Variants in PLCL1 observed in about 807,000 individuals in gnomAD.
The protein encoded by PLCL1 is phospholipase C like 1 (inactive).
Under a neutral mutation model 84.4 loss-of-function variants are expected in PLCL1, and 41 were observed. The observed-to-expected ratio is 0.49, with a 90% CI of 0.38 to 0.63. The LOEUF (loss-of-function observed/expected upper bound fraction) is 0.63. PLCL1 is among the 30% of genes least tolerant of loss of function. The pLI is 0.00. For synonymous variants in PLCL1, 490 were observed against 488.3 expected (o/e 1.00, Z -0.05); for missense variants, 1,206 against 1,367.8 (o/e 0.88, Z 1.87).
At chr2:197,954,409 G>T (rs554093752) in intron 1 of PLCL1, among the ~76,000 whole-genome samples, 155 of 152,160 alleles carry the variant, frequency 1.0e-3, no homozygotes, top group African/African-American at 3.7e-3. Context: ...AGACAGGAAG[G>T]CCTGCAGAGA....
At chr2:198,003,573 AACT>A (rs1690657221) in intron 1 of PLCL1, among the ~76,000 whole-genome samples, 1 of 152,214 alleles carries the variant, frequency 6.6e-6, no homozygotes, top group Non-Finnish European at 1.5e-5. Flanking sequence ...AAGACAGAAG[AACT>A]ATGTATTTCA....
intron 1 of PLCL1, among the ~76,000 whole-genome samples, chr2:197,872,506 AG>A (rs1246276888): frequency 1.3e-5 from 2 of 152,158 alleles, no homozygotes; most frequent in Non-Finnish European, 2.9e-5. Flanking sequence ...CTAATGGTTA[AG>A]GGCTGTGCCA....
chr2:197,906,724 G>A (rs908982408), intron 1 of PLCL1, among the ~76,000 whole-genome samples: 28 of 151,868 alleles, frequency 1.8e-4, no homozygotes, highest in African/African-American at 6.0e-4. Context: ...TGTTTGTGTC[G>A]TCTCTTATTT....
intron 5 of PLCL1, among the ~76,000 whole-genome samples, chr2:198,128,654 A>C (rs1434848946): frequency 6.6e-6 from 1 of 152,116 alleles, no homozygotes; most frequent in Non-Finnish European, 1.5e-5. Context: ...CAGTTTAGGG[A>C]GGGTCAGAAT....
At chr2:197,866,883 ACTAC>A (rs1480775702) in intron 1 of PLCL1, among the ~76,000 whole-genome samples, 1 of 152,218 alleles carries the variant, frequency 6.6e-6, no homozygotes, top group African/African-American at 2.4e-5. Flanking sequence ...ACTTCTATGC[ACTAC>A]CTGGATTAAC....
chr2:198,097,166 A>G (rs1243431282), intron 3 of PLCL1, among the ~76,000 whole-genome samples: 1 of 152,204 alleles, frequency 6.6e-6, no homozygotes, highest in African/African-American at 2.4e-5. Context: ...GTGCCCAAAC[A>G]GAGCTCGGTG....
intron 1 of PLCL1, among the ~76,000 whole-genome samples, chr2:198,030,741 G>A (rs1691390842): frequency 6.6e-6 from 1 of 152,116 alleles, no homozygotes; most frequent in South Asian, 2.1e-4. Flanking sequence ...AGAGCTTAGT[G>A]GAGCAATCTC....
intron 5 of PLCL1, among the ~76,000 whole-genome samples, chr2:198,118,862 A>G (rs1250987420): frequency 6.6e-6 from 1 of 152,004 alleles, no homozygotes; most frequent in East Asian, 1.9e-4. Context: ...TGAAGTTTTG[A>G]GTGCCTTTAA....
At chr2:197,832,830 A>T (rs144371482) in intron 1 of PLCL1, among the ~76,000 whole-genome samples, 54 of 152,394 alleles carry the variant, frequency 3.5e-4, no homozygotes, top group African/African-American at 1.2e-3. Context: ...CATCCTTGGG[A>T]TGCAAGGCTG....
At chr2:198,102,629 T>C (rs540665495) in intron 4 of PLCL1, among the ~76,000 whole-genome samples, 3 of 152,252 alleles carry the variant, frequency 2.0e-5, no homozygotes, top group African/African-American at 7.2e-5. Flanking sequence ...TGCAGTGGCC[T>C]TGCCTGGATG....
At chr2:197,865,030 A>C (rs184714175) in intron 1 of PLCL1, among the ~76,000 whole-genome samples, 146 of 152,322 alleles carry the variant, frequency 9.6e-4, no homozygotes, top group Non-Finnish European at 1.7e-3. Context: ...AATTCTGTGT[A>C]GTGACTTGTA....
intron 1 of PLCL1, among the ~76,000 whole-genome samples, chr2:198,029,360 A>G (rs757171571): frequency 3.9e-5 from 6 of 152,192 alleles, no homozygotes; most frequent in Non-Finnish European, 5.9e-5. Context: ...GCACAAACAT[A>G]CATTTTCTAC....
chr2:197,931,195 T>C (rs1688924299), intron 1 of PLCL1, among the ~76,000 whole-genome samples: 1 of 152,182 alleles, frequency 6.6e-6, no homozygotes, highest in African/African-American at 2.4e-5. Context: ...AGAAGCAGTA[T>C]CTATTGCTAG....
intron 1 of PLCL1, among the ~76,000 whole-genome samples, chr2:197,894,931 T>A (rs1424055788): frequency 6.6e-6 from 1 of 151,950 alleles, no homozygotes; most frequent in African/African-American, 2.4e-5. Context: ...AACTTCACTG[T>A]GTTTTAACTC....
chr2:197,973,719 G>C (rs1356612061), intron 1 of PLCL1, among the ~76,000 whole-genome samples: 1 of 152,190 alleles, frequency 6.6e-6, no homozygotes, highest in Non-Finnish European at 1.5e-5. Flanking sequence ...CATGAGCAAA[G>C]GGGAGCATGA....
At chr2:198,093,481 A>C (rs1693105179) in intron 3 of PLCL1, among the ~76,000 whole-genome samples, 1 of 152,222 alleles carries the variant, frequency 6.6e-6, no homozygotes, top group South Asian at 2.1e-4. Context: ...CCACCCCCCC[A>C]ACCTACCACA....
intron 1 of PLCL1, among the ~76,000 whole-genome samples, chr2:198,071,483 A>G (rs1164359714): frequency 2.0e-5 from 3 of 151,842 alleles, no homozygotes; most frequent in Non-Finnish European, 4.4e-5. Context: ...AAAAATTTCC[A>G]TTTCCCTACC....
At chr2:197,840,132 G>A (rs1437530338) in intron 1 of PLCL1, among the ~76,000 whole-genome samples, 2 of 152,068 alleles carry the variant, frequency 1.3e-5, no homozygotes, top group Non-Finnish European at 2.9e-5. Context: ...AAGGGTAAAT[G>A]AAATAGTTGG....
rs539940149 is a variant in PLCL1 at position 198,029,761 on chromosome 2, C to T, written c.241-53997C>T. ...AAAAAAAGAGGCTGGAATGCAGTGG[C>T]GCAATCTTGGCTCACTACGACTTCT... On this transcript the variant is annotated intron_variant, in intron 1 of 5. Transcript: ENST00000428675. Among the ~76,000 whole-genome samples, 15 of 151,334 alleles carry T rather than the reference C, an allele frequency of 9.9e-5. No homozygotes were observed. The South Asian group carries it at 2.5e-3, about 25-fold the overall frequency.
Sources: gnomAD v4.1 joint callset for allele counts (sites outside exome capture counted in the v4.1 genomes callset) on GRCh38, gnomAD v4.1.1 for gene constraint, MANE v1.5 for transcripts, NCBI Gene and HGNC (gene_info 2026-07-23, HGNC 2026-07-21) for gene names.